COCH: variants seen among roughly 807,000 people sequenced by gnomAD.
COCH encodes the protein coagulation factor C homolog, cochlin (Limulus polyphemus).
A neutral mutation model predicts 54.8 loss-of-function variants in COCH; 40 were observed. The ratio of observed to expected loss-of-function variants is 0.73; its 90% CI spans 0.57 to 0.95. The LOEUF is 0.95. Among genes scored for constraint, COCH ranks in the 40% least tolerant of loss-of-function variants. The probability of loss-of-function intolerance (pLI) is 0.00; values close to 1 mark genes in which losing one functional copy is unlikely to be tolerated. For synonymous variants in COCH, 256 were observed against 237.9 expected, an observed-to-expected ratio of 1.08 and a Z score of -0.70; for missense variants, 605 against 675.0, an observed-to-expected ratio of 0.90 and a Z score of 1.15.
In COCH at chr14:30,874,599, G is replaced by T. The variant is rs920532288; in HGVS notation, c.-24+8G>T. On this transcript the variant is annotated splice_region_variant and intron_variant, in intron 1 of 11. Transcript: ENST00000396618. ...CGGGTGGATCTCGAGCAGGTGCGGA[G>T]CCCCGGGCGGCGGGCGCGGGTGCGA... 2 of 486,780 alleles carry T rather than the reference G, an allele frequency of 4.1e-6. No individual in the cohort carries two copies. The allele number at this position is 486,780 out of a possible 1,614,324, so 30.2% of individuals were successfully genotyped here.
At position 30,880,614 on chromosome 14, in the gene COCH, T is replaced by C; in HGVS notation, c.509T>C (p.Ile170Thr). ...TGTAAAGCAGACATTGCATTTCTGA[T>C]TGATGGAAGCTTTAATATTGGGCAG... ...KDCKADIAFL[I>T]DGSFNIGQRR... The change falls in exon 8 of 12, where the codon ATT becomes ACT. Residue 170 changes from isoleucine to threonine, a missense_variant. Coordinates refer to ENST00000396618, the MANE Select transcript of COCH (RefSeq NM_004086.3). 1 of 1,614,166 alleles carries C rather than the reference T, an allele frequency of 6.2e-7. No individual in the cohort carries two copies. Among genetic ancestry groups the C allele is most frequent in the Non-Finnish European group, 8.5e-7 (1 of 1,180,032 alleles).
downstream of COCH, among the ~76,000 whole-genome samples, chr14:30,890,897 G>A (rs1482888395): frequency 6.6e-6 from 1 of 151,914 alleles, no homozygotes; most frequent in Non-Finnish European, 1.5e-5. Flanking sequence ...AAATTAGCCG[G>A]GTGGGATGGT....
chr14:30,894,949 C>T (rs528157875), downstream of COCH: 16 of 1,073,552 alleles, frequency 1.5e-5, no homozygotes, highest in African/African-American at 1.9e-5. Flanking sequence ...GGCATTCAAC[C>T]GATAAACAGA....
downstream of COCH, among the ~76,000 whole-genome samples, chr14:30,891,150 T>G (rs1895972159): frequency 6.6e-6 from 1 of 152,184 alleles, no homozygotes; most frequent in African/African-American, 2.4e-5. Context: ...GAGTACTTGC[T>G]TCACCAGAAA....
Position 30,889,605 on chromosome 14 carries a change from T to A in COCH, c.1478-11T>A. 1 of 1,612,830 alleles carries A rather than the reference T, an allele frequency of 6.2e-7. No individual in the cohort carries two copies. Among genetic ancestry groups the A allele is most frequent in the Non-Finnish European group, 8.5e-7 (1 of 1,178,840 alleles). The stretch of plus-strand genomic sequence containing the variant: ...TGATTTTCAATTCACTTTAAAATGT[T>A]TTCATTGTAGGAATCACTATCTTCT... On this transcript the variant is annotated splice_polypyrimidine_tract_variant and intron_variant, in intron 11 of 11. Transcript: ENST00000396618.
chr14:30,878,220 T>C (rs937789798), intron 4 of COCH, among the ~76,000 whole-genome samples: 2 of 152,242 alleles, frequency 1.3e-5, no homozygotes, highest in Non-Finnish European at 2.9e-5. Context: ...AAAGTGAGTA[T>C]CTTAGGAAAA....
chr14:30,877,069 A>G lies in COCH; in HGVS notation c.83-503A>G, dbSNP rs1369744492. 2.6e-5 allele frequency among the ~76,000 whole-genome samples: 4 copies of G among 152,144 alleles called. No homozygotes were observed. Among genetic ancestry groups the G allele is most frequent in the African/African-American group, 9.7e-5 (4 of 41,432 alleles). ...GCAAATCCTCTTGTCTTGGCCTGCT[A>G]AAGTGCTGGGATTATAGGCATGAGT... On this transcript the variant is annotated intron_variant, in intron 3 of 11. Transcript: ENST00000396618. This position sits in a 1 kb window ranked among gnomAD's most constrained non-coding sequence, Gnocchi z 8.6.
chr14:30,895,543 GCTGT>G, downstream of COCH: 1 of 1,613,918 alleles, frequency 6.2e-7, no homozygotes, highest in Non-Finnish European at 8.5e-7. Flanking sequence ...CACATGTCTT[GCTGT>G]CTAAATTCCA....
At chr14:30,880,200 T>A (rs529990823) in intron 6 of COCH, among the ~76,000 whole-genome samples, 2 of 152,330 alleles carry the variant, frequency 1.3e-5, no homozygotes, top group East Asian at 3.9e-4. Flanking sequence ...TAATGTTGAG[T>A]TCCTGCCTCA....
chr14:30,877,581 C>T lies in COCH; in HGVS notation c.92C>T (p.Ala31Val), dbSNP rs760735679. 6.2e-7 allele frequency: 1 copy of T among 1,614,082 alleles called. No individual in the cohort carries two copies. Among genetic ancestry groups the T allele is most frequent in the Non-Finnish European group, 8.5e-7 (1 of 1,180,052 alleles). The change falls in exon 4 of 12, where the codon GCT (alanine) becomes GTT (valine). Residue 31 changes from alanine (A) to valine (V), a missense_variant. By Grantham distance (64) the Ala-to-Val change is moderately conservative. Transcript: ENST00000396618. The surrounding 1 kb of genome is among the most constrained non-coding windows in gnomAD (Gnocchi z 8.6). ...TCTCCTTTTTCTTCAGCTCCCATTG[C>T]TATCACATGTTTTACCAGAGGCTTG... is the stretch of plus-strand genomic sequence containing the variant. ...PAGSEGAAPIAITCFTRGLDI... is the reference protein window; with the variant it reads ...PAGSEGAAPIVITCFTRGLDI...
intron 11 of COCH, 148 bp downstream of exon 11, chr14:30,886,460 A>C: frequency 3.1e-5 from 26 of 847,222 alleles, no homozygotes; most frequent in Non-Finnish European, 4.0e-5. Flanking sequence ...TACTCATCTC[A>C]TTCTACAGAT....
intron 11 of COCH, among the ~76,000 whole-genome samples, chr14:30,888,521 C>A (rs1895868152): frequency 1.2e-5 from 1 of 86,448 alleles, no homozygotes; most frequent in African/African-American, 2.9e-5. Flanking sequence ...GTGGCTTATG[C>A]CTGTAATCCC....
At chr14:30,891,317 C>T (rs777453858), downstream of COCH, among the ~76,000 whole-genome samples, 6 of 152,132 alleles carry the variant, frequency 3.9e-5, no homozygotes, top group Non-Finnish European at 5.9e-5. Context: ...CCTTGTCTGT[C>T]TTTTCTAAAG....
At chr14:30,874,769 A>G in intron 1 of COCH, 147 bp from the exon 2 acceptor site, 1 of 746,900 alleles carries the variant, frequency 1.3e-6, no homozygotes, top group Admixed American at 2.1e-5. Context: ...TCCCAGACCT[A>G]GAGGGGCGCT....
At chr14:30,883,847 T>C (rs1895693284) in intron 8 of COCH, among the ~76,000 whole-genome samples, 1 of 152,192 alleles carries the variant, frequency 6.6e-6, no homozygotes, top group South Asian at 2.1e-4. Flanking sequence ...ATACACATAA[T>C]TTTAAGGTGC....
At chr14:30,884,824 TG>T (rs1895725932) in intron 9 of COCH, 168 bp downstream of exon 9, 3 of 1,404,324 alleles carry the variant, frequency 2.1e-6, no homozygotes, top group Middle Eastern at 1.9e-4. Flanking sequence ...CAATTTATAA[TG>T]GAAGTATACC....
Position 30,877,548 on chromosome 14 carries a change from C to T in COCH, c.83-24C>T, listed in dbSNP as rs1295681336. 1.2e-6 allele frequency: 2 copies of T among 1,613,404 alleles called. No homozygotes were observed. The highest frequency in any genetic ancestry group is 2.2e-5 in the East Asian group (1 of 44,886). On this transcript the variant is annotated intron_variant, in intron 3 of 11. Coordinates refer to ENST00000396618, the MANE Select transcript of COCH (RefSeq NM_004086.3). The surrounding 1 kb of genome is among the most constrained non-coding windows in gnomAD (Gnocchi z 8.6). Reference sequence around the variant, plus strand: ...CCCCAAGAAGTCCTAAGAATGCTTACAATATTATCTCCTTTTTCTTCAGCT... The same window carrying T: ...CCCCAAGAAGTCCTAAGAATGCTTATAATATTATCTCCTTTTTCTTCAGCT...
Position 30,889,786 on chromosome 14 carries a change from C to T in COCH, c.1648C>T (p.Gln550Ter). 2 of 1,608,734 alleles carry T rather than the reference C, an allele frequency of 1.2e-6. No individual in the cohort carries two copies. Among genetic ancestry groups the T allele is most frequent in the South Asian group, 1.1e-5 (1 of 90,836 alleles). ...TTGTAGAGATTTCTTAGAATCCCAG[C>T]AATAATGGTAACATTTTGACAACTG... is the stretch of plus-strand genomic sequence containing the variant. ...GICRDFLESQ[Q>*] is the part of the protein sequence containing the mutation. Residue 550 changes from glutamine to a stop codon, truncating the protein, a stop_gained, in exon 12 of 12, where the codon CAA becomes TAA. Transcript: ENST00000396618. LOFTEE classifies it high-confidence loss of function.
chr14:30,895,202 CT>C, downstream of COCH: 4 of 563,154 alleles, frequency 7.1e-6, no homozygotes, highest in Non-Finnish European at 9.0e-6. Flanking sequence ...TACTGGAGTC[CT>C]TTTTTCTTTG....
Sources: gnomAD v4.1 joint callset for allele counts (sites outside exome capture counted in the v4.1 genomes callset) on GRCh38, gnomAD v4.1.1 for gene constraint, Gnocchi (gnomAD v3.1) non-coding constraint, MANE v1.5 for transcripts, NCBI Gene and HGNC (gene_info 2026-07-23, HGNC 2026-07-21) for gene names.